The following PRMT8 variants were observed in gnomAD, a reference collection of about 807,000 sequenced individuals.
PRMT8 encodes protein arginine methyltransferase 8, also known as protein arginine N-methyltransferase 8.
PRMT8 carries 7 observed loss-of-function variants against 47.1 expected under a neutral mutation model. The observed-to-expected ratio is 0.15, with a 90% CI of 0.08 to 0.28. The LOEUF (loss-of-function observed/expected upper bound fraction) is 0.28, where lower values mean the gene tolerates loss of function less well. Among genes scored for constraint, PRMT8 ranks in the 10% least tolerant of loss-of-function variants. The pLI is 1.00. For synonymous variants in PRMT8, 188 were observed against 186.5 expected (o/e 1.01, Z -0.07); for missense variants, 237 against 505.4 (o/e 0.47, Z 5.09).
intron 4 of PRMT8, among the ~76,000 whole-genome samples, chr12:3,554,781 C>T (rs1365350197): frequency 6.6e-6 from 1 of 152,168 alleles, no homozygotes; most frequent in Non-Finnish European, 1.5e-5. Context: ...GTCCGAGGCA[C>T]CGAGGAGTCA....
intron 1 of PRMT8, among the ~76,000 whole-genome samples, chr12:3,533,146 G>A (rs1238053358): frequency 6.6e-6 from 1 of 152,200 alleles, no homozygotes; most frequent in South Asian, 2.1e-4. Flanking sequence ...GGGGACAGCC[G>A]ACCCTCTGTG....
intron 1 of PRMT8, among the ~76,000 whole-genome samples, chr12:3,480,342 C>T (rs1865260682): frequency 6.6e-6 from 1 of 152,242 alleles, no homozygotes; most frequent in Non-Finnish European, 1.5e-5. Flanking sequence ...CTTCTTCCTT[C>T]TTCCCCCTTG....
At chr12:3,410,448 G>A (rs1864415904) in intron 1 of PRMT8, among the ~76,000 whole-genome samples, 1 of 152,178 alleles carries the variant, frequency 6.6e-6, no homozygotes, top group Admixed American at 6.5e-5. Flanking sequence ...TCTGATGCCT[G>A]TAACTATGAC....
chr12:3,517,907 T>C (rs536119650), intron 1 of PRMT8, among the ~76,000 whole-genome samples: 1 of 152,190 alleles, frequency 6.6e-6, no homozygotes, highest in South Asian at 2.1e-4. Context: ...TTGGTCTAAG[T>C]TTGGCTCAGA....
chr12:3,499,177 ATT>A (rs72188429), intron 1 of PRMT8, among the ~76,000 whole-genome samples: 4,421 of 128,588 alleles, frequency 0.034, 203 homozygotes, highest in African/African-American at 0.12. Context: ...TTATTTATTT[ATT>A]TTTTTTTTCC....
chr12:3,557,333 A>C lies in PRMT8; in HGVS notation c.481+3619A>C, dbSNP rs1387090267. On this transcript the variant is annotated intron_variant, in intron 4 of 9. Transcript: ENST00000382622. The surrounding 1 kb of genome is among the most constrained non-coding windows in gnomAD (Gnocchi z 4.7). The stretch of plus-strand genomic sequence containing the variant: ...AGGGAGGGGGAGCTGGAAGTTGATG[A>C]CAGTGATGGGCCGTGGGATCTAAGC... Among the ~76,000 whole-genome samples, 1 of 152,120 alleles carries C rather than the reference A, an allele frequency of 6.6e-6. No homozygotes were observed. Among genetic ancestry groups the C allele is most frequent in the East Asian group, 1.9e-4 (1 of 5,172 alleles).
In PRMT8 at chr12:3,492,674, T is replaced by C. The variant is rs1865441834; in HGVS notation, c.75+974T>C. On this transcript the variant is annotated intron_variant, in intron 1 of 9. Coordinates refer to ENST00000382622, the MANE Select transcript of PRMT8 (RefSeq NM_019854.5). This position sits in a 1 kb window ranked among gnomAD's most constrained non-coding sequence, Gnocchi z 7.5. ...GCTGTCATTACAACAACCGGACTAT[T>C]CCGTAGGCTCTGGGCACCTGTAGTC... Among the ~76,000 whole-genome samples, 1 of 152,058 alleles carries C rather than the reference T, an allele frequency of 6.6e-6. No homozygotes were observed. The highest frequency in any genetic ancestry group is 6.5e-5 in the Admixed American group (1 of 15,278).
intron 8 of PRMT8, among the ~76,000 whole-genome samples, chr12:3,587,651 A>G (rs1867210262): frequency 6.6e-6 from 1 of 152,062 alleles, no homozygotes; most frequent in Non-Finnish European, 1.5e-5. Context: ...CTTGCTATTT[A>G]TGAAAAGTTT....
chr12:3,405,920 G>A (rs1259385687), intron 1 of PRMT8, among the ~76,000 whole-genome samples: 1 of 152,260 alleles, frequency 6.6e-6, no homozygotes, highest in Non-Finnish European at 1.5e-5. Flanking sequence ...ACTAGGCAGT[G>A]CCCAAGTGGG....
intron 1 of PRMT8, among the ~76,000 whole-genome samples, chr12:3,495,664 CT>C (rs748857754): frequency 4.7e-4 from 71 of 152,064 alleles, no homozygotes; most frequent in Admixed American, 4.3e-3. Flanking sequence ...AGATAATGCA[CT>C]TTTTTTTGAA....
intron 1 of PRMT8, among the ~76,000 whole-genome samples, chr12:3,434,748 C>CT (rs35747379): frequency 0.019 from 2,766 of 146,792 alleles, 69 homozygotes; most frequent in African/African-American, 0.054. Context: ...GAAGCCCCAT[C>CT]TTTTTTTTTT....
chr12:3,480,038 C>A (rs1186064196), intron 1 of PRMT8, among the ~76,000 whole-genome samples: 10 of 152,166 alleles, frequency 6.6e-5, no homozygotes, highest in African/African-American at 2.4e-4. Flanking sequence ...AGATGCATTT[C>A]ATCAGCAAGC....
chr12:3,396,196 C>A (rs1025491650), intron 1 of PRMT8, among the ~76,000 whole-genome samples: 5 of 152,230 alleles, frequency 3.3e-5, no homozygotes, highest in South Asian at 2.1e-4. Context: ...TTAATTGGAG[C>A]ATTTAGTCCA....
rs1461984003 is a variant in PRMT8, at chr12:3,395,830, C to T, written c.48+14388C>T. The stretch of plus-strand genomic sequence containing the variant: ...AGTGGGGTGTTAAAGTCTCCCATTA[C>T]TAATGTGTGGGAGTCTAAGTCTCCT... On this transcript the variant is annotated intron_variant, in intron 1 of 9. Transcript: ENST00000452611. Among the ~76,000 whole-genome samples, 134 of 151,890 alleles carry T rather than the reference C, an allele frequency of 8.8e-4. 1 individual carries two copies. Among genetic ancestry groups the T allele is most frequent in the Non-Finnish European group, 1.9e-4 (13 of 67,956 alleles).
In PRMT8 at chr12:3,440,492, A is replaced by ACAAAG. The variant is rs71445608; in HGVS notation, c.48+59051_48+59052insAAAGC. Among the ~76,000 whole-genome samples, 4 of 150,330 alleles carry ACAAAG rather than the reference A, an allele frequency of 2.7e-5. No individual in the cohort carries two copies. The East Asian group carries it at 6.0e-4, about 22-fold the overall frequency. On this transcript the variant is annotated intron_variant, in intron 1 of 9. Coordinates refer to the PRMT8 transcript ENST00000452611. ...ACAAAACAAAACAAAACAAAACAAA[A>ACAAAG]CCTATTTAGATAGTGACTGGTCACT... is the stretch of plus-strand genomic sequence containing the variant.
In PRMT8 at chr12:3,404,096, T is replaced by C. The variant is rs73039253; in HGVS notation, c.48+22654T>C. On this transcript the variant is annotated intron_variant, in intron 1 of 9. Transcript: ENST00000452611. ...TTGTCATAGTTACTTAAGAATGTTT[T>C]AAGAAATGAAATGTTGTAGATACTG... Among the ~76,000 whole-genome samples, 1,339 of 152,218 alleles carry C rather than the reference T, an allele frequency of 8.8e-3. 11 individuals are homozygous for C. The highest frequency in any genetic ancestry group is 0.014 in the Non-Finnish European group (970 of 68,000).
At chr12:3,435,257 C>T (rs963209763) in intron 1 of PRMT8, among the ~76,000 whole-genome samples, 2 of 152,060 alleles carry the variant, frequency 1.3e-5, no homozygotes, top group Non-Finnish European at 2.9e-5. Flanking sequence ...GCATGAGCCA[C>T]CCGGTCCAGC....
chr12:3,541,267 G>A (rs1866225098), intron 2 of PRMT8, among the ~76,000 whole-genome samples: 1 of 152,182 alleles, frequency 6.6e-6, no homozygotes, highest in South Asian at 2.1e-4. Flanking sequence ...GCTTGGCCCA[G>A]GTCTGACACC....
At position 3,508,159 on chromosome 12, in the gene PRMT8, A is replaced by T. The variant is rs1052881530; in HGVS notation, c.75+16459A>T. Among the ~76,000 whole-genome samples the T allele has an allele frequency of 1.3e-5, 2 of 152,012 alleles. No individual in the cohort carries two copies. The highest frequency in any genetic ancestry group is 2.9e-5 in the Non-Finnish European group (2 of 68,002). ...ACAACTTTAAGATTTTTTTCTGCCC[A>T]GTTGTTGTTTCACTTTTAGGAGAAA... On this transcript the variant is annotated intron_variant, in intron 1 of 9. Transcript: ENST00000382622. This position sits in a 1 kb window ranked among gnomAD's most constrained non-coding sequence, Gnocchi z 4.9.
Sources: gnomAD v4.1 joint callset for allele counts (sites outside exome capture counted in the v4.1 genomes callset) on GRCh38, gnomAD v4.1.1 for gene constraint, Gnocchi (gnomAD v3.1) non-coding constraint, MANE v1.5 for transcripts, NCBI Gene and HGNC (gene_info 2026-07-23, HGNC 2026-07-21) for gene names.